SLC1A4: variants seen among roughly 807,000 people sequenced by gnomAD.
SLC1A4 encodes the protein solute carrier family 1 member 4.
In SLC1A4, 19 loss-of-function variants were observed where a neutral mutation model predicts 37.7. The observed-to-expected ratio is 0.50, with a 90% CI of 0.35 to 0.74. SLC1A4 has a LOEUF of 0.74. Ranked by LOEUF, SLC1A4 falls within the 30% of genes least tolerant of loss-of-function variation. SLC1A4 has a pLI of 0.01. For synonymous variants in SLC1A4, 299 were observed against 309.8 expected (o/e 0.97, Z 0.37); for missense variants, 570 against 712.9 (o/e 0.80, Z 2.28).
At chr2:65,016,402 T>C in intron 4 of SLC1A4, 38 bp from the exon 5 acceptor site, 1 of 1,526,580 alleles carries the variant, frequency 6.6e-7, no homozygotes, top group Non-Finnish European at 9.1e-7. Context: ...ACCCCAGCTT[T>C]ATCCCCCACT....
intron 3 of SLC1A4, among the ~76,000 whole-genome samples, chr2:65,006,133 C>T (rs1380586249): frequency 6.6e-6 from 1 of 152,232 alleles, no homozygotes; most frequent in Non-Finnish European, 1.5e-5. Flanking sequence ...TACCTGTGAG[C>T]ATCCACCTCA....
chr2:65,015,542 T>A (rs1025542171), intron 4 of SLC1A4, among the ~76,000 whole-genome samples: 3 of 152,246 alleles, frequency 2.0e-5, no homozygotes, highest in African/African-American at 7.2e-5. Context: ...ATCTACGTTT[T>A]AATTTTTTGA....
In SLC1A4 at chr2:65,000,965, C is replaced by T. The variant is rs115853843; in HGVS notation, c.528-483C>T. ...GAGCAGTGACACTTGACATTGCAAA[C>T]CACTGCAATGGTGCCTAACCTCTAG... On this transcript the variant is annotated intron_variant, in intron 1 of 7. Transcript: ENST00000234256. 736 of 152,818 alleles carry T rather than the reference C, an allele frequency of 4.8e-3. 5 individuals carry two copies. The highest frequency in any genetic ancestry group is 0.017 in the African/African-American group (715 of 41,580). The allele number at this position is 152,818 out of a possible 1,614,324, so 9.5% of individuals were successfully genotyped here.
intron 1 of SLC1A4, among the ~76,000 whole-genome samples, chr2:64,990,631 T>C (rs1673016566): frequency 6.6e-6 from 1 of 152,224 alleles, no homozygotes; most frequent in African/African-American, 2.4e-5. Context: ...TGGCCTTCTC[T>C]GTTACAGTCC....
chr2:65,005,702 A>AAG (rs80317428), intron 3 of SLC1A4, among the ~76,000 whole-genome samples: 1 of 152,118 alleles, frequency 6.6e-6, no homozygotes, highest in Non-Finnish European at 1.5e-5. Context: ...TTTAAAAAAA[A>AAG]CTAATTGTTG....
rs1465069880 is a variant in SLC1A4 at position 65,022,043 on chromosome 2, G to C, written c.*897G>C. On this transcript the variant is annotated 3_prime_UTR_variant, in exon 8 of 8. Transcript: ENST00000234256. The stretch of plus-strand genomic sequence containing the variant: ...GATGGGCCTCCTTCCCTGGGGAGGT[G>C]TGATGTAGTTATCACATTCAGGACC... 6.6e-6 allele frequency: 1 copy of C among 152,280 alleles called. No individual in the cohort carries two copies. The highest frequency in any genetic ancestry group is 2.4e-5 in the African/African-American group (1 of 41,468). 9.4% of individuals were successfully genotyped at this position (152,280 alleles called of 1,614,324 possible). A position where few individuals can be genotyped will look rare whatever the true frequency, so the allele number is the denominator to read the frequency against.
intron 1 of SLC1A4, among the ~76,000 whole-genome samples, chr2:64,998,961 A>G (rs1396010492): frequency 6.6e-6 from 1 of 152,204 alleles, no homozygotes; most frequent in African/African-American, 2.4e-5. Context: ...CAGTCTGTCA[A>G]CAACTGAGGA....
chr2:64,991,286 CA>C (rs1385786484), intron 1 of SLC1A4, among the ~76,000 whole-genome samples: 6 of 109,690 alleles, frequency 5.5e-5, no homozygotes, highest in Non-Finnish European at 1.2e-4. Flanking sequence ...TCACTTAAAA[CA>C]ACAAAAATCT....
chr2:65,013,114 G>A (rs550997793), intron 4 of SLC1A4, among the ~76,000 whole-genome samples: 4 of 152,324 alleles, frequency 2.6e-5, no homozygotes, highest in African/African-American at 9.6e-5. Context: ...GCAGGAGGAA[G>A]AAAGACAGGG....
upstream of SLC1A4, chr2:64,989,387 C>T: frequency 2.8e-6 from 1 of 353,008 alleles, no homozygotes; most frequent in South Asian, 1.3e-4. Context: ...GTTCGCGGCT[C>T]CCGTTTGCAT....
chr2:65,017,578 A>G (rs1446716404), intron 5 of SLC1A4, among the ~76,000 whole-genome samples: 2 of 152,144 alleles, frequency 1.3e-5, no homozygotes, highest in Non-Finnish European at 2.9e-5. Flanking sequence ...TAACCTCTGC[A>G]GAGCCCGCAG....
intron 7 of SLC1A4, among the ~76,000 whole-genome samples, chr2:65,019,975 A>G (rs1674345700): frequency 6.6e-6 from 1 of 152,224 alleles, no homozygotes; most frequent in Non-Finnish European, 1.5e-5. Flanking sequence ...AGGGAAGATC[A>G]CATTTTTCCC....
chr2:65,006,616 A>C (rs1238709962), intron 3 of SLC1A4, among the ~76,000 whole-genome samples: 1 of 152,076 alleles, frequency 6.6e-6, no homozygotes, highest in Non-Finnish European at 1.5e-5. Context: ...CCTTGTCCCC[A>C]AGGTTGGGAT....
upstream of SLC1A4, chr2:64,988,555 G>C (rs547796711): frequency 6.6e-6 from 1 of 152,468 alleles, no homozygotes; most frequent in South Asian, 2.1e-4. Flanking sequence ...GAGCGCCCCG[G>C]TGCGCGCGGT....
At chr2:65,017,495 T>TAA (rs747628209) in intron 5 of SLC1A4, among the ~76,000 whole-genome samples, 6 of 129,924 alleles carry the variant, frequency 4.6e-5, no homozygotes, top group African/African-American at 1.2e-4. Flanking sequence ...GAGGTGGGAG[T>TAA]AAAAAAAAAA....
intron 1 of SLC1A4, among the ~76,000 whole-genome samples, chr2:64,997,251 TTGAA>T (rs954455978): frequency 5.5e-4 from 84 of 152,332 alleles, no homozygotes; most frequent in South Asian, 6.2e-4. Context: ...AGCCCTCCCA[TTGAA>T]TGTACGTATT....
At chr2:65,019,564 C>T (rs573737184) in intron 7 of SLC1A4, among the ~76,000 whole-genome samples, 6 of 152,326 alleles carry the variant, frequency 3.9e-5, no homozygotes, top group African/African-American at 1.4e-4. Context: ...AGACCAGGTT[C>T]GTCACAGGCA....
chr2:64,990,777 G>A (rs1486833309), intron 1 of SLC1A4, among the ~76,000 whole-genome samples: 1 of 152,194 alleles, frequency 6.6e-6, no homozygotes, highest in East Asian at 1.9e-4. Flanking sequence ...ACAGGTTGCT[G>A]TCCACCCCAG....
Position 64,989,409 on chromosome 2 carries a change from G to A in SLC1A4, c.-235G>A. ...GCTCCCGTTTGCATCATCTCCAGCC[G>A]GCGGCTGCTCCAGGGAGGCTGGGCG... On this transcript the variant is annotated 5_prime_UTR_variant, in exon 1 of 8. Coordinates refer to ENST00000234256, the MANE Select transcript of SLC1A4 (RefSeq NM_003038.5). The A allele has an allele frequency of 2.7e-6, 1 of 376,442 alleles. No homozygotes were observed. Among genetic ancestry groups the A allele is most frequent in the Non-Finnish European group, 4.7e-6 (1 of 212,854 alleles). 23.3% of individuals were successfully genotyped at this position (376,442 alleles called of 1,614,324 possible).
Sources: gnomAD v4.1 joint callset for allele counts (sites outside exome capture counted in the v4.1 genomes callset) on GRCh38, gnomAD v4.1.1 for gene constraint, MANE v1.5 for transcripts, NCBI Gene and HGNC (gene_info 2026-07-23, HGNC 2026-07-21) for gene names.